Variants in PBX3 observed in about 807,000 individuals in gnomAD.
The protein encoded by PBX3 is pre-B-cell leukemia transcription factor 3.
A neutral mutation model predicts 48.5 loss-of-function variants in PBX3; 14 were observed. The observed-to-expected ratio is 0.29, with a 90% CI of 0.19 to 0.45. The LOEUF (loss-of-function observed/expected upper bound fraction) is 0.45, where lower values mean the gene tolerates loss of function less well. Ranked by LOEUF, PBX3 falls within the 20% of genes least tolerant of loss-of-function variation. PBX3 has a pLI of 1.00. For missense variants in PBX3, 386 were observed against 546.7 expected, an observed-to-expected ratio of 0.71 and a Z score of 2.93; for synonymous variants, 210 against 200.3, an observed-to-expected ratio of 1.05 and a Z score of -0.41.
intron 3 of PBX3, among the ~76,000 whole-genome samples, chr9:125,924,348 G>A (rs1043947740): frequency 2.8e-4 from 42 of 152,300 alleles, no homozygotes; most frequent in South Asian, 4.1e-4. Context: ...GTCAACTGTT[G>A]TCATATGGTT....
intron 2 of PBX3, among the ~76,000 whole-genome samples, chr9:125,857,131 A>C (rs1839744668): frequency 6.6e-6 from 1 of 152,210 alleles, no homozygotes; most frequent in Admixed American, 6.5e-5. Flanking sequence ...CAGGGGATTT[A>C]AACTATATAT....
chr9:125,966,485 C>T lies in PBX3; in HGVS notation c.*562C>T, dbSNP rs899391790. On this transcript the variant is annotated 3_prime_UTR_variant, in exon 9 of 9. Coordinates refer to ENST00000373489, the MANE Select transcript of PBX3 (RefSeq NM_006195.6). ...TCTTATGTTATAATTAGATCAGAGA[C>T]TGGTAGCATCGTTTCTCTCTCTGAA... is the stretch of plus-strand genomic sequence containing the variant. 6.6e-6 allele frequency: 1 copy of T among 152,658 alleles called. No individual in the cohort carries two copies. Among genetic ancestry groups the T allele is most frequent in the Non-Finnish European group, 1.5e-5 (1 of 68,060 alleles). The allele number at this position is 152,658 out of a possible 1,614,324, so 9.5% of individuals were successfully genotyped here.
chr9:125,879,162 C>T (rs758563468), intron 2 of PBX3, among the ~76,000 whole-genome samples: 3 of 148,212 alleles, frequency 2.0e-5, no homozygotes, highest in Non-Finnish European at 4.4e-5. Context: ...ACTGCAACCT[C>T]TGCCTCCTGG....
At chr9:125,808,007 A>T (rs962953255) in intron 2 of PBX3, among the ~76,000 whole-genome samples, 2 of 152,228 alleles carry the variant, frequency 1.3e-5, no homozygotes, top group African/African-American at 4.8e-5. Context: ...TCATGTAGAT[A>T]GATAGATAAA....
intron 2 of PBX3, among the ~76,000 whole-genome samples, chr9:125,860,989 AT>A (rs1238826707): frequency 6.6e-6 from 1 of 151,932 alleles, no homozygotes; most frequent in Non-Finnish European, 1.5e-5. Flanking sequence ...GATGATTATA[AT>A]GAAAAAGGCA....
chr9:125,903,994 A>G (rs1841012311), intron 2 of PBX3, among the ~76,000 whole-genome samples: 2 of 151,840 alleles, frequency 1.3e-5, no homozygotes, highest in African/African-American at 4.8e-5. Context: ...CTTAGGGGTG[A>G]TTAGTTAATA....
chr9:125,783,802 C>T (rs557555270), intron 2 of PBX3, among the ~76,000 whole-genome samples: 46 of 151,982 alleles, frequency 3.0e-4, no homozygotes, highest in Non-Finnish European at 5.6e-4. Context: ...AGTTCGAGAC[C>T]AGGCTGGCCA....
chr9:125,805,638 A>C (rs1296627053), intron 2 of PBX3, among the ~76,000 whole-genome samples: 1 of 152,198 alleles, frequency 6.6e-6, no homozygotes, highest in Non-Finnish European at 1.5e-5. Flanking sequence ...TGGAGATGGA[A>C]CTTGGAAATA....
intron 2 of PBX3, among the ~76,000 whole-genome samples, chr9:125,776,767 C>G (rs1391081287): frequency 3.3e-5 from 5 of 151,898 alleles, no homozygotes; most frequent in African/African-American, 1.2e-4. Context: ...TGGTCTTGAA[C>G]TCCTGCACTC....
chr9:125,809,643 A>C (rs1838229340), intron 2 of PBX3, among the ~76,000 whole-genome samples: 1 of 152,186 alleles, frequency 6.6e-6, no homozygotes, highest in Non-Finnish European at 1.5e-5. Context: ...CTGTGACCTC[A>C]GGGTGGGCGA....
intron 2 of PBX3, among the ~76,000 whole-genome samples, chr9:125,804,540 T>G (rs1439214323): frequency 1.3e-5 from 2 of 152,196 alleles, no homozygotes; most frequent in African/African-American, 4.8e-5. Context: ...TAAAATCTCC[T>G]TCTGTCCCAT....
At chr9:125,762,476 G>A (rs937963473) in intron 2 of PBX3, among the ~76,000 whole-genome samples, 1 of 151,960 alleles carries the variant, frequency 6.6e-6, no homozygotes. Context: ...TTCTGGGAGG[G>A]TATTTATGGT....
intron 3 of PBX3, among the ~76,000 whole-genome samples, chr9:125,918,130 G>T (rs2026133): frequency 0.22 from 33,006 of 151,670 alleles, 4,045 homozygotes; most frequent in East Asian, 0.42. Flanking sequence ...TATAATATTA[G>T]AGGCCAAATG....
chr9:125,915,994 C>A (rs1841323942), intron 3 of PBX3, 67 bp downstream of exon 3: 2 of 1,574,940 alleles, frequency 1.3e-6, no homozygotes, highest in Non-Finnish European at 8.6e-7. Flanking sequence ...ACCATGCTAA[C>A]CAATTCTGAG....
intron 2 of PBX3, among the ~76,000 whole-genome samples, chr9:125,792,818 C>T (rs943541891): frequency 1.3e-5 from 2 of 151,436 alleles, no homozygotes; most frequent in Admixed American, 6.6e-5. Flanking sequence ...CCTGCCTCAG[C>T]CTCCCGAGTA....
chr9:125,929,579 G>A (rs1049492244), intron 3 of PBX3, 76 bp from the exon 4 acceptor site: 8 of 1,043,168 alleles, frequency 7.7e-6, no homozygotes, highest in African/African-American at 4.8e-5. Context: ...CAAATGAGGT[G>A]TAAATTCAGA....
chr9:125,816,705 G>A (rs1057413675), intron 2 of PBX3, among the ~76,000 whole-genome samples: 6 of 152,088 alleles, frequency 3.9e-5, no homozygotes, highest in African/African-American at 1.4e-4. Context: ...TGGGGAAAGG[G>A]TTGTGTCTGT....
intron 2 of PBX3, among the ~76,000 whole-genome samples, chr9:125,772,241 C>CA (rs147872364): frequency 0.059 from 9,001 of 152,162 alleles, 615 homozygotes; most frequent in East Asian, 0.17. Context: ...TTATACAAAA[C>CA]AAAAATTTGC....
intron 7 of PBX3, 138 bp downstream of exon 7, chr9:125,962,352 C>A: frequency 2.0e-6 from 1 of 508,286 alleles, no homozygotes; most frequent in Non-Finnish European, 3.5e-6. Flanking sequence ...CCCATCTGCC[C>A]CACCATTTAA....
Sources: gnomAD v4.1 joint callset for allele counts (sites outside exome capture counted in the v4.1 genomes callset) on GRCh38, gnomAD v4.1.1 for gene constraint, MANE v1.5 for transcripts, NCBI Gene and HGNC (gene_info 2026-07-23, HGNC 2026-07-21) for gene names.